Variants in GRM7 observed in about 807,000 individuals in gnomAD.
The protein encoded by GRM7 is metabotropic glutamate receptor 7.
GRM7 carries 35 observed loss-of-function variants against 84.5 expected under a neutral mutation model. That is an observed-to-expected ratio of 0.41 (90% CI 0.32 to 0.55). The LOEUF is 0.55. GRM7 is among the 20% of genes least tolerant of loss of function. The pLI, the probability that GRM7 is intolerant of heterozygous loss-of-function variation, is 0.19. For synonymous variants in GRM7, 487 were observed against 455.1 expected, an observed-to-expected ratio of 1.07 and a Z score of -0.89; for missense variants, 1,003 against 1,194.6, an observed-to-expected ratio of 0.84 and a Z score of 2.36.
At chr3:7,481,399 G>A (rs866213438) in intron 7 of GRM7, among the ~76,000 whole-genome samples, 1 of 152,076 alleles carries the variant, frequency 6.6e-6, no homozygotes, top group Non-Finnish European at 1.5e-5. Context: ...GGCCAATAAA[G>A]TCTTTATATA....
chr3:7,723,768 A>AC (rs1172958728), intron 9 of GRM7, among the ~76,000 whole-genome samples: 3 of 152,078 alleles, frequency 2.0e-5, no homozygotes, highest in African/African-American at 7.2e-5. Context: ...AATGGCTAGA[A>AC]CCCAGGAGTT....
intron 1 of GRM7, among the ~76,000 whole-genome samples, chr3:6,897,813 A>T (rs1696239701): frequency 1.3e-5 from 2 of 152,202 alleles, no homozygotes; most frequent in African/African-American, 4.8e-5. Flanking sequence ...GGAAACAGAG[A>T]TAGTGTAGCA....
At chr3:7,272,632 G>A (rs1419687423) in intron 2 of GRM7, among the ~76,000 whole-genome samples, 2 of 151,942 alleles carry the variant, frequency 1.3e-5, no homozygotes, top group Non-Finnish European at 2.9e-5. Flanking sequence ...AAATTTCTAG[G>A]CACAGAGTTG....
intron 1 of GRM7, among the ~76,000 whole-genome samples, chr3:6,879,031 G>T (rs1695415158): frequency 6.6e-6 from 1 of 152,120 alleles, no homozygotes; most frequent in Non-Finnish European, 1.5e-5. Context: ...AGTGCAAAGG[G>T]CCTCTACCCT....
chr3:7,104,991 A>G (rs1192593639), intron 1 of GRM7, among the ~76,000 whole-genome samples: 2 of 151,830 alleles, frequency 1.3e-5, no homozygotes, highest in East Asian at 1.9e-4. Context: ...ACATATTCTC[A>G]TTTAGTAATA....
At chr3:7,007,197 A>G (rs1421311541) in intron 1 of GRM7, among the ~76,000 whole-genome samples, 4 of 152,134 alleles carry the variant, frequency 2.6e-5, no homozygotes, top group Non-Finnish European at 4.4e-5. Context: ...CCATTTAACA[A>G]CTGCTGTAGG....
intron 1 of GRM7, among the ~76,000 whole-genome samples, chr3:6,881,131 TTC>T (rs1356619804): frequency 6.6e-6 from 1 of 152,210 alleles, no homozygotes; most frequent in Non-Finnish European, 1.5e-5. Flanking sequence ...CATTCTTTTT[TTC>T]TTTTAATTTT....
chr3:7,410,375 A>G (rs1387232096), intron 4 of GRM7, among the ~76,000 whole-genome samples: 1 of 152,044 alleles, frequency 6.6e-6, no homozygotes, highest in Non-Finnish European at 1.5e-5. Context: ...GTTTGAGACT[A>G]GCCTGTGAAA....
intron 6 of GRM7, among the ~76,000 whole-genome samples, chr3:7,454,444 A>G (rs1697920730): frequency 6.6e-6 from 1 of 152,190 alleles, no homozygotes; most frequent in African/African-American, 2.4e-5. Context: ...ACAGTAACAA[A>G]TAATCATAAT....
intron 2 of GRM7, among the ~76,000 whole-genome samples, chr3:7,229,761 T>TATATATA (rs1284337696): frequency 2.7e-4 from 7 of 25,726 alleles, no homozygotes; most frequent in Non-Finnish European, 4.7e-4. Context: ...ATATATATAT[T>TATATATA]TTTTTTTTTT....
At chr3:7,214,254 A>G (rs931428972) in intron 2 of GRM7, among the ~76,000 whole-genome samples, 1 of 152,224 alleles carries the variant, frequency 6.6e-6, no homozygotes, top group African/African-American at 2.4e-5. Context: ...ATCTGCAGGA[A>G]AGTGAGAAAA....
At chr3:7,611,288 T>G (rs561970401) in intron 8 of GRM7, among the ~76,000 whole-genome samples, 42 of 152,302 alleles carry the variant, frequency 2.8e-4, no homozygotes, top group African/African-American at 9.4e-4. Flanking sequence ...TATGAAACCG[T>G]TGCCGTAGTG....
At chr3:6,887,005 C>T (rs1011735475) in intron 1 of GRM7, among the ~76,000 whole-genome samples, 1 of 151,972 alleles carries the variant, frequency 6.6e-6, no homozygotes, top group Non-Finnish European at 1.5e-5. Flanking sequence ...AAATGTCTAT[C>T]ATTCTACCTC....
At chr3:7,603,322 G>A (rs543657475) in intron 8 of GRM7, among the ~76,000 whole-genome samples, 2 of 152,236 alleles carry the variant, frequency 1.3e-5, no homozygotes, top group East Asian at 1.9e-4. Context: ...TGTAACCTAA[G>A]GGGAGGAAGG....
At chr3:7,726,527 C>A (rs922698436) in intron 9 of GRM7, among the ~76,000 whole-genome samples, 3 of 147,212 alleles carry the variant, frequency 2.0e-5, no homozygotes, top group Non-Finnish European at 3.0e-5. Context: ...TTAAAACTTA[C>A]GAATACATTG....
Position 7,739,483 on chromosome 3 carries a change from C to T in GRM7, c.2699-874C>T, listed in dbSNP as rs149338337. Among the ~76,000 whole-genome samples, 297 of 152,234 alleles carry T rather than the reference C, an allele frequency of 2.0e-3. 2 individuals are homozygous for T. Among genetic ancestry groups the T allele is most frequent in the African/African-American group, 6.8e-3 (283 of 41,552 alleles). On this transcript the variant is annotated intron_variant, in intron 9 of 9. Transcript: ENST00000357716. The stretch of plus-strand genomic sequence containing the variant: ...CCCAATAGAAACTGATGCAAAACTA[C>T]CAAGATTTAGTGAATAAAGAATATA...
chr3:7,548,232 C>T (rs915296358), intron 7 of GRM7, among the ~76,000 whole-genome samples: 1 of 152,190 alleles, frequency 6.6e-6, no homozygotes, highest in Non-Finnish European at 1.5e-5. Flanking sequence ...AATGTCAGCT[C>T]TATTAGGTCC....
chr3:7,062,685 C>G (rs1697470300), intron 1 of GRM7, among the ~76,000 whole-genome samples: 1 of 151,678 alleles, frequency 6.6e-6, no homozygotes, highest in South Asian at 2.1e-4. Flanking sequence ...TTGTCTAACC[C>G]TCTCTTTCCA....
At chr3:7,223,279 A>T (rs767176405) in intron 2 of GRM7, among the ~76,000 whole-genome samples, 3 of 152,068 alleles carry the variant, frequency 2.0e-5, no homozygotes, top group Non-Finnish European at 4.4e-5. Flanking sequence ...CTATAATTTC[A>T]TAAATTTGAT....
Sources: allele counts gnomAD v4.1 joint callset (sites outside exome capture counted in the v4.1 genomes callset), GRCh38; gene constraint gnomAD v4.1.1; transcripts MANE v1.5; gene names NCBI Gene and HGNC (gene_info 2026-07-23, HGNC 2026-07-21).